CTNNA3: variants seen among roughly 807,000 people sequenced by gnomAD.
CTNNA3 encodes the protein catenin alpha-3.
In CTNNA3, 76 loss-of-function variants were observed where a neutral mutation model predicts 95.7. That is an observed-to-expected ratio of 0.79 (90% confidence interval 0.66 to 0.96). The LOEUF is 0.96. Among genes scored for constraint, CTNNA3 ranks in the 40% least tolerant of loss-of-function variants. CTNNA3 has a pLI of 0.00. For missense variants in CTNNA3, 1,191 were observed against 1,089.8 expected (o/e 1.09, Z -1.31); for synonymous variants, 431 against 374.4 (o/e 1.15, Z -1.74).
chr10:67,656,273 G>A (rs1363826094), intron 1 of CTNNA3, among the ~76,000 whole-genome samples: 3 of 152,120 alleles, frequency 2.0e-5, no homozygotes, highest in Non-Finnish European at 2.9e-5. Context: ...AGGAATAGTT[G>A]GGTCTCATTC....
chr10:66,653,157 GA>G (rs1282634348), intron 9 of CTNNA3, among the ~76,000 whole-genome samples: 1 of 152,078 alleles, frequency 6.6e-6, no homozygotes, highest in African/African-American at 2.4e-5. Context: ...ATCCAGATTG[GA>G]AAAGAGGAAG....
chr10:66,700,227 G>C (rs1847900823), intron 9 of CTNNA3, among the ~76,000 whole-genome samples: 1 of 152,018 alleles, frequency 6.6e-6, no homozygotes. Flanking sequence ...ATATCAAGAA[G>C]TTTTTCCCTT....
At chr10:66,790,646 C>T (rs1840932983) in intron 7 of CTNNA3, among the ~76,000 whole-genome samples, 1 of 152,010 alleles carries the variant, frequency 6.6e-6, no homozygotes, top group Non-Finnish European at 1.5e-5. Flanking sequence ...TTTCAATGGC[C>T]CCATTAATTA....
At chr10:66,564,013 C>A (rs1396221147) in intron 10 of CTNNA3, among the ~76,000 whole-genome samples, 2 of 152,118 alleles carry the variant, frequency 1.3e-5, no homozygotes, top group Non-Finnish European at 2.9e-5. Flanking sequence ...TGTACCTCCA[C>A]CACCTTGGGC....
intron 7 of CTNNA3, among the ~76,000 whole-genome samples, chr10:67,147,842 C>T (rs1282526182): frequency 6.6e-6 from 1 of 152,082 alleles, no homozygotes; most frequent in South Asian, 2.1e-4. Context: ...AATATTGAAG[C>T]TGTATAGATT....
intron 15 of CTNNA3, among the ~76,000 whole-genome samples, chr10:66,052,752 C>T (rs763408758): frequency 1.4e-4 from 21 of 151,772 alleles, no homozygotes; most frequent in Middle Eastern, 3.4e-3. Context: ...ACATGAGAGA[C>T]GGAGAGATCA....
intron 1 of CTNNA3, among the ~76,000 whole-genome samples, chr10:67,663,430 T>C (rs1474350555): frequency 6.6e-6 from 1 of 150,974 alleles, no homozygotes; most frequent in African/African-American, 2.4e-5. Context: ...CATGGGCAAG[T>C]GCGGTCCCCA....
intron 13 of CTNNA3, among the ~76,000 whole-genome samples, chr10:66,185,499 C>T (rs10996959): frequency 0.16 from 24,994 of 151,704 alleles, 2,337 homozygotes; most frequent in Admixed American, 0.25. Context: ...TAATACTGCA[C>T]GAAAAATGAC....
In CTNNA3 at chr10:67,432,872, T is replaced by C. The variant is rs144366114; in HGVS notation, c.579+88970A>G. ...TCTTTCTTGCAATGTTTCTGTCTGA[T>C]TTTGGCATCAGGGTGATGCTGACTT... On this transcript the variant is annotated intron_variant, in intron 5 of 17. Coordinates refer to ENST00000433211, the MANE Select transcript of CTNNA3 (RefSeq NM_013266.4). Among the ~76,000 whole-genome samples, 995 of 152,200 alleles carry C rather than the reference T, an allele frequency of 6.5e-3. 15 individuals carry two copies. Among genetic ancestry groups the C allele is most frequent in the African/African-American group, 0.022 (926 of 41,556 alleles).
At chr10:66,690,967 C>T (rs796496725) in intron 9 of CTNNA3, among the ~76,000 whole-genome samples, 17 of 152,272 alleles carry the variant, frequency 1.1e-4, no homozygotes, top group African/African-American at 3.8e-4. Context: ...TATTTCTCCA[C>T]ATCCTCTCCA....
chr10:67,631,841 C>G (rs1386839529), intron 2 of CTNNA3, among the ~76,000 whole-genome samples: 1 of 152,036 alleles, frequency 6.6e-6, no homozygotes, highest in African/African-American at 2.4e-5. Context: ...ACCTGGAGGA[C>G]ATTATGCTAA....
chr10:66,858,115 A>T (rs181592546), intron 7 of CTNNA3, among the ~76,000 whole-genome samples: 44 of 152,124 alleles, frequency 2.9e-4, no homozygotes, highest in Non-Finnish European at 5.2e-4. Context: ...ACATGAAAAG[A>T]TGTTAAATTG....
chr10:66,328,590 C>T (rs10762057), intron 12 of CTNNA3, among the ~76,000 whole-genome samples: 109,328 of 151,458 alleles, frequency 0.72, 39,900 homozygotes, highest in Non-Finnish European at 0.78. Context: ...TTCCTGAAAT[C>T]TCACGGTCCA....
chr10:66,495,448 GA>G (rs887503991), intron 11 of CTNNA3, among the ~76,000 whole-genome samples: 50 of 151,172 alleles, frequency 3.3e-4, no homozygotes, highest in African/African-American at 1.1e-3. Flanking sequence ...ATGGCTAAGG[GA>G]AAAAAAAATT....
chr10:66,408,279 AC>A, intron 11 of CTNNA3, among the ~76,000 whole-genome samples: 1 of 152,306 alleles, frequency 6.6e-6, no homozygotes, highest in East Asian at 1.9e-4. Context: ...ATCCAGTTGT[AC>A]CTTTTAAATC....
chr10:66,648,615 G>C (rs1337404824), intron 9 of CTNNA3, among the ~76,000 whole-genome samples: 1 of 152,054 alleles, frequency 6.6e-6, no homozygotes, highest in African/African-American at 2.4e-5. Flanking sequence ...ATTAAGATTT[G>C]CACATTATAA....
At chr10:66,297,685 G>A (rs10997044) in intron 12 of CTNNA3, among the ~76,000 whole-genome samples, 34,559 of 151,996 alleles carry the variant, frequency 0.23, 4,110 homozygotes, top group Admixed American at 0.29. Flanking sequence ...TATTGTCTAC[G>A]TAATCATGCA....
chr10:66,411,569 A>G (rs1430778532), intron 11 of CTNNA3, among the ~76,000 whole-genome samples: 2 of 152,150 alleles, frequency 1.3e-5, no homozygotes, highest in African/African-American at 4.8e-5. Flanking sequence ...ACCATTGGAT[A>G]AAGATAATGT....
chr10:66,219,508 C>T (rs567912533), intron 13 of CTNNA3, among the ~76,000 whole-genome samples: 13 of 152,112 alleles, frequency 8.5e-5, no homozygotes, highest in Non-Finnish European at 1.8e-4. Context: ...TCTCTCTCAT[C>T]ATTTGCTTTA....
Sources: allele counts gnomAD v4.1 joint callset (sites outside exome capture counted in the v4.1 genomes callset), GRCh38; gene constraint gnomAD v4.1.1; transcripts MANE v1.5; gene names NCBI Gene and HGNC (gene_info 2026-07-23, HGNC 2026-07-21).